The following NCOA1 variants were observed in gnomAD, a reference collection of about 807,000 sequenced individuals.
The protein encoded by NCOA1 is Hin-2 protein.
A neutral mutation model predicts 150.9 loss-of-function variants in NCOA1; 35 were observed. The ratio of observed to expected loss-of-function variants is 0.23; its 90% CI spans 0.18 to 0.31. The LOEUF (loss-of-function observed/expected upper bound fraction) is 0.31. Ranked by LOEUF, NCOA1 falls within the 10% of genes least tolerant of loss-of-function variation. The pLI is 1.00. For synonymous variants in NCOA1, 590 were observed against 630.0 expected (o/e 0.94, Z 0.95); for missense variants, 1,491 against 1,749.3 (o/e 0.85, Z 2.63).
chr2:24,557,989 T>TC (rs1666140893), intron 1 of NCOA1, among the ~76,000 whole-genome samples: 2 of 151,480 alleles, frequency 1.3e-5, no homozygotes, highest in Admixed American at 1.3e-4. Context: ...GATCTCTGGT[T>TC]CATTTTCCCA....
At chr2:24,544,255 C>T (rs924734880) in intron 1 of NCOA1, among the ~76,000 whole-genome samples, 2 of 152,028 alleles carry the variant, frequency 1.3e-5, no homozygotes, top group Non-Finnish European at 2.9e-5. Flanking sequence ...CTATGAGACA[C>T]CTAACTTGAG....
At chr2:24,589,765 G>C (rs1458952395) in intron 3 of NCOA1, among the ~76,000 whole-genome samples, 1 of 152,134 alleles carries the variant, frequency 6.6e-6, no homozygotes, top group Admixed American at 6.6e-5. Context: ...GAAGCTGACT[G>C]TTCTAGCTCC....
rs1663625945 is a variant in NCOA1, at chr2:24,741,969, T to C, written c.3489T>C (p.Ala1163=). The change falls in exon 19 of 23, where the codon GCT becomes GCC. Residue 1163 remains alanine (A), a synonymous_variant. Coordinates refer to ENST00000348332, the MANE Select transcript of NCOA1 (RefSeq NM_003743.5). ...QMGNPRLPQG[A]PQQFPYPPNY... Reference sequence around the variant, plus strand: ...GGAACCCCCGTCTTCCTCAGGGTGCTCCACAGCAATTCCCCTATCCACCAA... The same window carrying C: ...GGAACCCCCGTCTTCCTCAGGGTGCCCCACAGCAATTCCCCTATCCACCAA... The C allele has an allele frequency of 2.5e-5, 41 of 1,614,192 alleles. No individual in the cohort carries two copies. The highest frequency in any genetic ancestry group is 3.4e-5 in the Non-Finnish European group (40 of 1,180,030).
chr2:24,692,313 G>C (rs1027469201), intron 9 of NCOA1, among the ~76,000 whole-genome samples: 2 of 152,172 alleles, frequency 1.3e-5, no homozygotes, highest in African/African-American at 4.8e-5. Flanking sequence ...GGTCTCACCA[G>C]GAAACGGAGG....
chr2:24,525,551 CTT>C (rs769430095), intron 1 of NCOA1, among the ~76,000 whole-genome samples: 22 of 139,294 alleles, frequency 1.6e-4, no homozygotes, highest in Admixed American at 2.1e-4. Flanking sequence ...TTAGAAAGTT[CTT>C]TTTTTTTTTT....
At chr2:24,619,121 GTTTC>G (rs1669005864) in intron 3 of NCOA1, among the ~76,000 whole-genome samples, 1 of 152,134 alleles carries the variant, frequency 6.6e-6, no homozygotes, top group Non-Finnish European at 1.5e-5. Context: ...ACGTTTCATA[GTTTC>G]TTTCACCTTG....
rs540234009 is a variant in NCOA1 at position 24,729,457 on chromosome 2, G to T, written c.2887-44G>T. 13 of 1,537,958 alleles carry T rather than the reference G, an allele frequency of 8.5e-6. No individual in the cohort carries two copies. The African/African-American group carries it at 1.6e-4, about 20-fold the overall frequency. On this transcript the variant is annotated intron_variant, in intron 16 of 22. Coordinates refer to ENST00000348332, the MANE Select transcript of NCOA1 (RefSeq NM_003743.5). ...GAAATACGGAAGCATGTTACTTATT[G>T]GCAGAAATTTATTTGTAAAATATTC...
chr2:24,744,986 G>A (rs951358543), intron 19 of NCOA1, among the ~76,000 whole-genome samples: 12 of 152,068 alleles, frequency 7.9e-5, no homozygotes, highest in Non-Finnish European at 1.6e-4. Flanking sequence ...CTTTGCCTTA[G>A]CCTCTTTCCA....
intron 1 of NCOA1, among the ~76,000 whole-genome samples, chr2:24,556,974 G>A (rs997901746): frequency 1.3e-5 from 2 of 151,280 alleles, no homozygotes; most frequent in African/African-American, 4.9e-5. Flanking sequence ...TGATACTATT[G>A]ATATTTTGGG....
At chr2:24,586,012 C>T (rs998339332) in intron 3 of NCOA1, among the ~76,000 whole-genome samples, 32 of 152,126 alleles carry the variant, frequency 2.1e-4, no homozygotes, top group Non-Finnish European at 3.4e-4. Flanking sequence ...CGGTGGCTCA[C>T]GCCTGTAATC....
At chr2:24,731,211 A>G (rs1433377982) in intron 17 of NCOA1, among the ~76,000 whole-genome samples, 2 of 152,174 alleles carry the variant, frequency 1.3e-5, no homozygotes, top group African/African-American at 2.4e-5. Context: ...GAAGAGAAAG[A>G]AGGAGATAAA....
rs893077369 is a variant in NCOA1 at position 24,652,004 on chromosome 2, G to A, written c.-17-6657G>A. On this transcript the variant is annotated intron_variant, in intron 4 of 22. Transcript: ENST00000348332. ...TTCCTCAAAAAGTTAAAGAGTTACT[G>A]TATAACCTAACAGTTCCACTCCTAG... Among the ~76,000 whole-genome samples, 14 of 152,022 alleles carry A rather than the reference G, an allele frequency of 9.2e-5. 1 individual carries two copies. Among genetic ancestry groups the A allele is most frequent in the Admixed American group, 7.2e-4 (11 of 15,270 alleles).
At chr2:24,548,151 AAG>A (rs1558784278) in intron 1 of NCOA1, among the ~76,000 whole-genome samples, 1 of 152,150 alleles carries the variant, frequency 6.6e-6, no homozygotes, top group Non-Finnish European at 1.5e-5. Context: ...CAATTTACAA[AAG>A]AGAGAGGTTT....
chr2:24,579,333 AT>A (rs1667109410), intron 2 of NCOA1, among the ~76,000 whole-genome samples: 2 of 152,230 alleles, frequency 1.3e-5, no homozygotes, highest in Non-Finnish European at 1.5e-5. Flanking sequence ...GGTTAGGCAT[AT>A]ATAAGGACAG....
At chr2:24,639,810 C>A (rs532610399) in intron 3 of NCOA1, among the ~76,000 whole-genome samples, 1 of 150,364 alleles carries the variant, frequency 6.7e-6, no homozygotes, top group Non-Finnish European at 1.5e-5. Context: ...ATCTCTTGAA[C>A]CTGGGAGGCG....
intron 19 of NCOA1, among the ~76,000 whole-genome samples, chr2:24,744,344 C>G (rs1663777654): frequency 6.6e-6 from 1 of 152,210 alleles, no homozygotes; most frequent in Non-Finnish European, 1.5e-5. Context: ...GTGGTTTCAT[C>G]CAGTTGCAAA....
intron 1 of NCOA1, among the ~76,000 whole-genome samples, chr2:24,516,734 CT>C (rs1487145424): frequency 1.3e-5 from 2 of 150,430 alleles, no homozygotes; most frequent in Non-Finnish European, 3.0e-5. Flanking sequence ...ATCTTTCTCA[CT>C]TTCTCTCTTA....
chr2:24,718,114 G>A (rs1674148087), intron 14 of NCOA1, among the ~76,000 whole-genome samples: 2 of 151,994 alleles, frequency 1.3e-5, no homozygotes, highest in Non-Finnish European at 2.9e-5. Flanking sequence ...TGGCCAGGCT[G>A]GTCTAGAACT....
At chr2:24,630,398 T>C (rs1485017435) in intron 3 of NCOA1, among the ~76,000 whole-genome samples, 2 of 152,234 alleles carry the variant, frequency 1.3e-5, no homozygotes, top group African/African-American at 4.8e-5. Context: ...TTTTATTGTA[T>C]CAATATACCA....
Sources: allele counts gnomAD v4.1 joint callset (sites outside exome capture counted in the v4.1 genomes callset), GRCh38; gene constraint gnomAD v4.1.1; transcripts MANE v1.5; gene names NCBI Gene and HGNC (gene_info 2026-07-23, HGNC 2026-07-21).